The following TJP1 variants were observed in gnomAD, a reference collection of about 807,000 sequenced individuals.
TJP1 encodes tight junction protein 1.
In TJP1, 43 loss-of-function variants were observed where a neutral mutation model predicts 194.2. The observed-to-expected ratio is 0.22, with a 90% CI of 0.17 to 0.29. TJP1 has a LOEUF of 0.29. TJP1 is among the 10% of genes least tolerant of loss of function. TJP1 has a pLI of 1.00. For synonymous variants in TJP1, 801 were observed against 779.0 expected, an observed-to-expected ratio of 1.03 and a Z score of -0.47; for missense variants, 1,971 against 2,185.7, an observed-to-expected ratio of 0.90 and a Z score of 1.96.
chr15:29,821,830 G>T (rs910841389), intron 1 of TJP1, among the ~76,000 whole-genome samples, 172 bp downstream of exon 1: 1 of 144,088 alleles, frequency 6.9e-6, no homozygotes, highest in African/African-American at 2.5e-5. Context: ...CGCCCGAGGG[G>T]CTCCCCGCGG....
chr15:29,804,496 T>C (rs1407304159), intron 1 of TJP1, among the ~76,000 whole-genome samples: 2 of 152,176 alleles, frequency 1.3e-5, no homozygotes, highest in Non-Finnish European at 2.9e-5. Context: ...AGAATTTTGA[T>C]GCATTAGAAA....
intron 2 of TJP1, among the ~76,000 whole-genome samples, chr15:29,912,264 C>T (rs537618670): frequency 2.3e-4 from 35 of 152,220 alleles, no homozygotes; most frequent in African/African-American, 7.9e-4. Flanking sequence ...ACCATGGCAC[C>T]GGGGAGTTAG....
intron 23 of TJP1, among the ~76,000 whole-genome samples, chr15:29,711,800 A>G (rs2042260132): frequency 6.6e-6 from 1 of 151,956 alleles, no homozygotes; most frequent in Non-Finnish European, 1.5e-5. Flanking sequence ...CTTTTGGCCC[A>G]TACAGTCTTT....
chr15:29,756,013 G>C (rs1454571547), intron 8 of TJP1, among the ~76,000 whole-genome samples: 1 of 151,782 alleles, frequency 6.6e-6, no homozygotes, highest in Non-Finnish European at 1.5e-5. Context: ...ACATAAAATG[G>C]GTCTGTTAAA....
chr15:29,720,384 G>C lies in TJP1; in HGVS notation c.2737C>G (p.Pro913Ala). 6.2e-7 allele frequency: 1 copy of C among 1,602,056 alleles called. No individual in the cohort carries two copies. The highest frequency in any genetic ancestry group is 1.1e-5 in the South Asian group (1 of 89,002). ...TGTTGAGAGGCTGGCTTAAATCCAGGGGAGTCTATTCTATGAATTGGTTGT... is the reference window on the plus strand; with the variant it reads ...TGTTGAGAGGCTGGCTTAAATCCAGCGGAGTCTATTCTATGAATTGGTTGT... ...QPQPIHRIDS[P>A]GFKPASQQKA... The change falls in exon 19 of 28, where the codon CCT becomes GCT. Residue 913 changes from proline to alanine, a missense_variant. This residue lies in a region of TJP1 where 1,108 missense variants were observed against 1,128.5 expected (regional missense o/e 0.98). Transcript: ENST00000614355.
intron 10 of TJP1, among the ~76,000 whole-genome samples, chr15:29,737,711 G>A (rs904239727): frequency 6.6e-6 from 1 of 151,986 alleles, no homozygotes; most frequent in Non-Finnish European, 1.5e-5. Flanking sequence ...AAGAGTTATG[G>A]TACATTCCAA....
chr15:29,818,680 T>G (rs2151991745), intron 1 of TJP1, among the ~76,000 whole-genome samples: 1 of 148,456 alleles, frequency 6.7e-6, no homozygotes. Flanking sequence ...ATTTTTTTTT[T>G]TTTTTTTTTG....
intron 2 of TJP1, among the ~76,000 whole-genome samples, chr15:29,905,652 T>C (rs184450354): frequency 1.3e-5 from 2 of 152,356 alleles, no homozygotes; most frequent in East Asian, 1.9e-4. Context: ...CTGTGGTACA[T>C]TTATTTACCG....
At chr15:29,833,881 A>ATATATATATATTTTTT (rs1555434000) in intron 2 of TJP1, among the ~76,000 whole-genome samples, 2 of 12,614 alleles carry the variant, frequency 1.6e-4, no homozygotes, top group African/African-American at 3.0e-4. Flanking sequence ...ATATATATAT[A>ATATATATATATTTTTT]TTTTTTTTTT....
chr15:29,856,576 A>T (rs1243833071), intron 2 of TJP1, among the ~76,000 whole-genome samples: 1 of 152,212 alleles, frequency 6.6e-6, no homozygotes, highest in Non-Finnish European at 1.5e-5. Context: ...GTAAAGATTT[A>T]AAAATAGAAA....
rs1360624317 is a variant in TJP1 at position 29,748,959 on chromosome 15, TGTGTGCGCGC to T, written c.1011-6188_1011-6179del. ...GTGTGTGTGTGTGTGTGTGTGCGCG[TGTGTGCGCGC>T]GCGCGTTTGCTATTATGAGGAAAGC... On this transcript the variant is annotated intron_variant, in intron 8 of 27. Coordinates refer to ENST00000614355, the MANE Select transcript of TJP1 (RefSeq NM_001330239.4). 1.6e-3 allele frequency among the ~76,000 whole-genome samples: 61 copies of T among 37,916 alleles called. No individual in the cohort carries two copies. The Admixed American group carries it at 0.018, about 11-fold the overall frequency. 24.9% of individuals were successfully genotyped at this position (37,916 alleles called of 152,430 possible).
chr15:29,715,951 A>G (rs1350600226), intron 23 of TJP1, among the ~76,000 whole-genome samples: 1 of 152,224 alleles, frequency 6.6e-6, no homozygotes, highest in Admixed American at 6.5e-5. Context: ...CTTAGACACA[A>G]CTATCAGTAC....
At chr15:29,802,963 TAAG>T (rs1191632869) in intron 1 of TJP1, among the ~76,000 whole-genome samples, 10 of 152,166 alleles carry the variant, frequency 6.6e-5, no homozygotes, top group South Asian at 2.1e-4. Context: ...TTCCATTTTG[TAAG>T]AAGATGTTAA....
At chr15:29,811,527 G>A (rs915651816) in intron 1 of TJP1, among the ~76,000 whole-genome samples, 1 of 152,094 alleles carries the variant, frequency 6.6e-6, no homozygotes, top group Non-Finnish European at 1.5e-5. Context: ...AAGCTGAATA[G>A]AACTTGCTAA....
chr15:29,700,267 G>A lies in TJP1; in HGVS notation c.*1328C>T, dbSNP rs1300590294. The A allele has an allele frequency of 2.5e-6, 1 of 398,812 alleles. No homozygotes were observed. The highest frequency in any genetic ancestry group is 4.4e-6 in the Non-Finnish European group (1 of 226,036). The allele number at this position is 398,812 out of a possible 1,614,324, so 24.7% of individuals were successfully genotyped here. ...AATGTAGTGGTGTATTATCTAAACA[G>A]AAATCGTGCTGATGTGCCATAATAA... On this transcript the variant is annotated 3_prime_UTR_variant, in exon 28 of 28. Coordinates refer to ENST00000614355, the MANE Select transcript of TJP1 (RefSeq NM_001330239.4).
chr15:29,956,359 G>C, exon 2 of TJP1: 1 of 1,287,580 alleles, frequency 7.8e-7, no homozygotes, highest in South Asian at 1.2e-5. Context: ...AGAGGATGGC[G>C]TTACCCTGCA....
At chr15:29,837,262 C>G (rs2051066582) in intron 2 of TJP1, among the ~76,000 whole-genome samples, 1 of 152,176 alleles carries the variant, frequency 6.6e-6, no homozygotes, top group Non-Finnish European at 1.5e-5. Context: ...TCTTTCTGTT[C>G]TCTGATACAG....
At chr15:29,875,673 TCTC>T (rs1181876583) in intron 2 of TJP1, among the ~76,000 whole-genome samples, 1 of 152,170 alleles carries the variant, frequency 6.6e-6, no homozygotes, top group Non-Finnish European at 1.5e-5. Context: ...TTCAAGCAAT[TCTC>T]CTGCCTCAGC....
intron 2 of TJP1, among the ~76,000 whole-genome samples, chr15:29,856,770 G>A (rs957421704): frequency 6.6e-6 from 1 of 151,460 alleles, no homozygotes; most frequent in Non-Finnish European, 1.5e-5. Flanking sequence ...TCAGGAGATC[G>A]AGACCATCCT....
Sources: allele counts gnomAD v4.1 joint callset (sites outside exome capture counted in the v4.1 genomes callset), GRCh38; gene constraint gnomAD v4.1.1; regional missense constraint gnomAD v4.1.1; transcripts MANE v1.5; gene names NCBI Gene and HGNC (gene_info 2026-07-23, HGNC 2026-07-21).